Variants in SVOP observed in about 807,000 individuals in gnomAD.
SVOP encodes SV2 related protein.
SVOP carries 17 observed loss-of-function variants against 69.1 expected under a neutral mutation model. That is an observed-to-expected ratio of 0.25 (90% CI 0.17 to 0.37). The LOEUF (loss-of-function observed/expected upper bound fraction) is 0.37. Among genes scored for constraint, SVOP ranks in the 10% least tolerant of loss-of-function variants. SVOP has a pLI of 1.00. For missense variants in SVOP, 435 were observed against 597.5 expected (o/e 0.73, Z 2.84); for synonymous variants, 238 against 238.6 (o/e 1.00, Z 0.02).
intron 11 of SVOP, 132 bp downstream of exon 11, chr12:108,934,063 G>A (rs2039840850): frequency 2.8e-6 from 2 of 706,546 alleles, no homozygotes; most frequent in Admixed American, 3.1e-5. Context: ...TCTACAGAGT[G>A]TCTTGGAAAC....
chr12:108,923,251 T>C (rs1173010442), intron 11 of SVOP, among the ~76,000 whole-genome samples: 1 of 152,172 alleles, frequency 6.6e-6, no homozygotes, highest in Non-Finnish European at 1.5e-5. Flanking sequence ...ATGTATGTGA[T>C]TGCATTAAAC....
chr12:108,953,949 T>C (rs1404653869), intron 6 of SVOP, among the ~76,000 whole-genome samples: 3 of 151,648 alleles, frequency 2.0e-5, no homozygotes, highest in African/African-American at 4.9e-5. Flanking sequence ...CCGTCTCTAT[T>C]AAAAATACAA....
At chr12:108,997,466 A>G (rs966214240) in intron 1 of SVOP, among the ~76,000 whole-genome samples, 5 of 152,086 alleles carry the variant, frequency 3.3e-5, no homozygotes, top group Non-Finnish European at 7.4e-5. Flanking sequence ...ACCACAGCTC[A>G]AGGAGGCCTG....
intron 1 of SVOP, among the ~76,000 whole-genome samples, chr12:109,007,872 T>A (rs2040317720): frequency 6.6e-6 from 1 of 152,072 alleles, no homozygotes; most frequent in African/African-American, 2.4e-5. Context: ...ACCATGTCTC[T>A]ACAAAAAATT....
intron 1 of SVOP, among the ~76,000 whole-genome samples, chr12:108,995,051 G>A (rs2040223933): frequency 1.3e-5 from 2 of 151,990 alleles, no homozygotes; most frequent in South Asian, 2.1e-4. Flanking sequence ...AGGCTGAGGT[G>A]GGAGGATTAT....
chr12:108,940,337 G>A (rs1486858181), intron 8 of SVOP, among the ~76,000 whole-genome samples: 2 of 152,158 alleles, frequency 1.3e-5, no homozygotes, highest in Non-Finnish European at 2.9e-5. Context: ...TCAGTAGAGG[G>A]TGTGGTTTAT....
At position 108,911,328 on chromosome 12, in the gene SVOP, A is replaced by G. The variant is rs1472085528; in HGVS notation, c.*1207T>C. The G allele has an allele frequency of 6.6e-6, 1 of 152,110 alleles. No homozygotes were observed. Among genetic ancestry groups the G allele is most frequent in the Non-Finnish European group, 1.5e-5 (1 of 68,036 alleles). The allele number at this position is 152,110 out of a possible 1,614,324, so 9.4% of individuals were successfully genotyped here. On this transcript the variant is annotated 3_prime_UTR_variant, in exon 16 of 16. Transcript: ENST00000610966. ...TAGCATCCTTCTGGTTTCTCTGCCC[A>G]TTCAGCTGTCTACCCATGCACAAAA...
chr12:108,916,610 A>C (rs1441475161), intron 14 of SVOP, among the ~76,000 whole-genome samples: 1 of 152,208 alleles, frequency 6.6e-6, no homozygotes, highest in Non-Finnish European at 1.5e-5. Flanking sequence ...GCATTGCCAA[A>C]TGTCCCCTGG....
chr12:108,929,978 A>G (rs2039805855), intron 11 of SVOP, among the ~76,000 whole-genome samples: 1 of 116,294 alleles, frequency 8.6e-6, no homozygotes. Context: ...CTACAGTTTT[A>G]CTTTCCCACC....
rs1427103199 is a variant in SVOP at position 108,912,578 on chromosome 12, T to C, written c.1604A>G (p.His535Arg). ...WGQEMVGRGM[H>R]GAGVTRSNSG... is the part of the protein sequence containing the mutation. ...GTTCGACCTGGTAACACCTGCACCG[T>C]GCATTCCTCGGCCGACCATCTCCTG... is the stretch of plus-strand genomic sequence containing the variant. Residue 535 changes from histidine to arginine, a missense_variant, in exon 16 of 16, where the codon CAC becomes CGC. By Grantham distance (29) the His-to-Arg change is conservative. Coordinates refer to ENST00000610966, the MANE Select transcript of SVOP (RefSeq NM_018711.5). 1 of 1,613,684 alleles carries C rather than the reference T, an allele frequency of 6.2e-7. No individual in the cohort carries two copies. The highest frequency in any genetic ancestry group is 8.5e-7 in the Non-Finnish European group (1 of 1,179,786).
intron 5 of SVOP, among the ~76,000 whole-genome samples, chr12:108,969,667 T>C (rs1424526651): frequency 2.0e-5 from 3 of 151,054 alleles, no homozygotes; most frequent in African/African-American, 7.3e-5. Flanking sequence ...TCCCTCCCTC[T>C]GTCCCTTCTC....
At chr12:108,976,451 G>A (rs2040106761) in intron 4 of SVOP, among the ~76,000 whole-genome samples, 1 of 152,136 alleles carries the variant, frequency 6.6e-6, no homozygotes, top group Non-Finnish European at 1.5e-5. Flanking sequence ...ATAGCGCCTA[G>A]CTCATAGGTC....
intron 6 of SVOP, among the ~76,000 whole-genome samples, chr12:108,958,926 A>C (rs2040001236): frequency 6.6e-6 from 1 of 152,000 alleles, no homozygotes; most frequent in Non-Finnish European, 1.5e-5. Flanking sequence ...ATGGTATGGC[A>C]ACTCAGCTTC....
chr12:108,934,346 G>A, intron 10 of SVOP, 75 bp from the exon 11 acceptor site: 5 of 1,294,582 alleles, frequency 3.9e-6, no homozygotes, highest in Non-Finnish European at 5.4e-6. Flanking sequence ...CCCTTGGGAA[G>A]GGCCAATGTC....
chr12:108,939,014 G>A lies in SVOP; in HGVS notation c.769-59C>T, dbSNP rs990364492. The A allele has an allele frequency of 7.0e-5, 113 of 1,610,474 alleles. No homozygotes were observed. In the South Asian group the frequency reaches 7.3e-4, roughly 10 times the overall value. On this transcript the variant is annotated intron_variant, in intron 8 of 15. Transcript: ENST00000610966. ...CTGGTTAGGGTGGAACAGAGCACTC[G>A]CTTCTAGCCACACAGTGTTGCATGT...
intron 1 of SVOP, among the ~76,000 whole-genome samples, chr12:109,004,702 T>TATTTC (rs149632810): frequency 6.0e-4 from 88 of 146,462 alleles, no homozygotes; most frequent in African/African-American, 2.1e-3. Context: ...CTGATACAAG[T>TATTTC]ATTTCATTTC....
intron 15 of SVOP, among the ~76,000 whole-genome samples, chr12:108,914,525 T>C (rs2039702219): frequency 6.6e-6 from 1 of 152,166 alleles, no homozygotes; most frequent in African/African-American, 2.4e-5. Context: ...AACTGGCATA[T>C]TTATTTGTTT....
intron 11 of SVOP, among the ~76,000 whole-genome samples, chr12:108,927,464 T>C (rs570428243): frequency 6.6e-6 from 1 of 152,332 alleles, no homozygotes; most frequent in South Asian, 2.1e-4. Flanking sequence ...TGTAATATAC[T>C]ATATAATTTC....
intron 3 of SVOP, 46 bp downstream of exon 3, chr12:108,978,532 T>C (rs1325532171): frequency 1.4e-6 from 1 of 701,416 alleles, no homozygotes. Flanking sequence ...TTGAGCAGCA[T>C]GGGGGTTTCT....
Sources: gnomAD v4.1 joint callset for allele counts (sites outside exome capture counted in the v4.1 genomes callset) on GRCh38, gnomAD v4.1.1 for gene constraint, MANE v1.5 for transcripts, NCBI Gene and HGNC (gene_info 2026-07-23, HGNC 2026-07-21) for gene names.